Variants in TNFSF4 observed in about 807,000 individuals in gnomAD.
The protein encoded by TNFSF4 is tumor necrosis factor ligand superfamily member 4.
Under a neutral mutation model 7.3 loss-of-function variants are expected in TNFSF4, and 4 were observed. The ratio of observed to expected loss-of-function variants is 0.55; its 90% CI spans 0.27 to 1.25. The LOEUF is 1.25. TNFSF4 is among the 50% of genes most tolerant of loss of function. The pLI, the probability that TNFSF4 is intolerant of heterozygous loss-of-function variation, is 0.12. For synonymous variants in TNFSF4, 76 were observed against 83.7 expected, an observed-to-expected ratio of 0.91 and a Z score of 0.50; for missense variants, 181 against 208.8, an observed-to-expected ratio of 0.87 and a Z score of 0.82.
chr1:173,363,706 A>G, the TNFSF4 span: 4 of 237,806 alleles, frequency 1.7e-5, no homozygotes, highest in African/African-American at 7.0e-5. Context: ...AAGATGTTTG[A>G]GAACTGAGAA....
At chr1:173,360,079 A>G in the TNFSF4 span, among the ~76,000 whole-genome samples, 1 of 152,258 alleles carries the variant, frequency 6.6e-6, no homozygotes, top group Non-Finnish European at 1.5e-5. Flanking sequence ...CATACTGCTA[A>G]TCAATATCCT....
At chr1:173,259,223 G>A in the TNFSF4 span, among the ~76,000 whole-genome samples, 1 of 151,634 alleles carries the variant, frequency 6.6e-6, no homozygotes, top group Non-Finnish European at 1.5e-5. Flanking sequence ...AATAGGGTCT[G>A]GAGTGGACCC....
chr1:173,183,341 T>G (rs1649090919), downstream of TNFSF4, among the ~76,000 whole-genome samples: 1 of 152,218 alleles, frequency 6.6e-6, no homozygotes, highest in Non-Finnish European at 1.5e-5. Context: ...GGGATCACTG[T>G]GGCCAGACTA....
chr1:173,353,752 C>G, the TNFSF4 span, among the ~76,000 whole-genome samples: 1 of 152,104 alleles, frequency 6.6e-6, no homozygotes, highest in East Asian at 1.9e-4. Flanking sequence ...CTATATAAAT[C>G]ATTTGTTACT....
the TNFSF4 span, among the ~76,000 whole-genome samples, chr1:173,325,389 C>G: frequency 6.6e-6 from 1 of 152,014 alleles, no homozygotes; most frequent in Non-Finnish European, 1.5e-5. Context: ...ATTTATAGCA[C>G]TAAATGGCCC....
the TNFSF4 span, among the ~76,000 whole-genome samples, chr1:173,448,359 G>A: frequency 6.6e-6 from 1 of 152,048 alleles, no homozygotes; most frequent in East Asian, 1.9e-4. Flanking sequence ...CCATATTCTG[G>A]ACCATAAAAC....
the TNFSF4 span, among the ~76,000 whole-genome samples, chr1:173,447,673 GAA>G: frequency 1.3e-5 from 2 of 151,328 alleles, no homozygotes; most frequent in Non-Finnish European, 2.9e-5. Context: ...ACAGAAAAAA[GAA>G]AAAAAGAGTC....
chr1:173,257,121 T>G, the TNFSF4 span, among the ~76,000 whole-genome samples: 1 of 152,238 alleles, frequency 6.6e-6, no homozygotes, highest in African/African-American at 2.4e-5. Flanking sequence ...TGCTTCTACT[T>G]CAGAAATCCA....
the TNFSF4 span, among the ~76,000 whole-genome samples, chr1:173,350,234 A>G: frequency 1.3e-5 from 2 of 152,218 alleles, no homozygotes; most frequent in Non-Finnish European, 2.9e-5. Flanking sequence ...GTTTTCTCAA[A>G]GAATGTCTTA....
chr1:173,273,490 A>G, the TNFSF4 span, among the ~76,000 whole-genome samples: 4 of 152,146 alleles, frequency 2.6e-5, no homozygotes, highest in African/African-American at 4.8e-5. Flanking sequence ...GACCCTTTTT[A>G]TAAGAATTTA....
rs1649217242 is a variant in TNFSF4, at chr1:173,186,167, T to TTA, written c.*348_*349insTA. The TTA allele has an allele frequency of 5.2e-6, 1 of 192,458 alleles. No homozygotes were observed. The highest frequency in any genetic ancestry group is 2.3e-5 in the African/African-American group (1 of 42,762). 11.9% of individuals were successfully genotyped at this position (192,458 alleles called of 1,614,324 possible). On this transcript the variant is annotated 3_prime_UTR_variant, in exon 3 of 3. Transcript: ENST00000281834. ...AATGGTAGTCAGGTACCGTTTTCAA[T>TTA]GACATAAGTTTATTATGACAATTGC... is the stretch of plus-strand genomic sequence containing the variant.
At chr1:173,407,137 C>T in the TNFSF4 span, among the ~76,000 whole-genome samples, 9 of 150,892 alleles carry the variant, frequency 6.0e-5, no homozygotes, top group Admixed American at 4.0e-4. Flanking sequence ...GCAGGTGGTG[C>T]GGGAGGGGAG....
the TNFSF4 span, among the ~76,000 whole-genome samples, chr1:173,448,759 G>C: frequency 6.6e-6 from 1 of 152,094 alleles, no homozygotes; most frequent in African/African-American, 2.4e-5. Flanking sequence ...GGCGGGGCAG[G>C]GCATTTTCAC....
At chr1:173,415,815 A>G in the TNFSF4 span, among the ~76,000 whole-genome samples, 2 of 152,220 alleles carry the variant, frequency 1.3e-5, no homozygotes, top group African/African-American at 2.4e-5. Flanking sequence ...TCTAACTGGT[A>G]TTCAGGAGCT....
chr1:173,287,008 G>T, the TNFSF4 span, among the ~76,000 whole-genome samples: 3 of 152,084 alleles, frequency 2.0e-5, no homozygotes, highest in African/African-American at 7.2e-5. Flanking sequence ...ATAGTCATCA[G>T]AGAAATGCAA....
chr1:173,413,235 A>T, the TNFSF4 span, among the ~76,000 whole-genome samples: 2 of 152,196 alleles, frequency 1.3e-5, no homozygotes, highest in Non-Finnish European at 2.9e-5. Context: ...AGACAGAGAG[A>T]CAGGGGCAGA....
the TNFSF4 span, among the ~76,000 whole-genome samples, chr1:173,423,110 ATTAAG>A: frequency 6.6e-6 from 1 of 152,082 alleles, no homozygotes; most frequent in Non-Finnish European, 1.5e-5. Context: ...TTATATCTTA[ATTAAG>A]TTATTAATAT....
chr1:173,242,629 A>G, the TNFSF4 span, among the ~76,000 whole-genome samples: 1 of 152,198 alleles, frequency 6.6e-6, no homozygotes, highest in Non-Finnish European at 1.5e-5. Context: ...GGTGGACCCA[A>G]TCAAATCACG....
the TNFSF4 span, among the ~76,000 whole-genome samples, chr1:173,268,072 C>G: frequency 1.3e-5 from 2 of 152,050 alleles, no homozygotes; most frequent in African/African-American, 4.8e-5. Flanking sequence ...AGCTATCTTT[C>G]AAGGACAAAG....
Sources: gnomAD v4.1 joint callset for allele counts (sites outside exome capture counted in the v4.1 genomes callset) on GRCh38, gnomAD v4.1.1 for gene constraint, MANE v1.5 for transcripts, NCBI Gene and HGNC (gene_info 2026-07-23, HGNC 2026-07-21) for gene names.